MB21D2: variants seen among roughly 807,000 people sequenced by gnomAD.
The protein encoded by MB21D2 is nucleotidyltransferase MB21D2.
Under a neutral mutation model 33.3 loss-of-function variants are expected in MB21D2, and 9 were observed. The ratio of observed to expected loss-of-function variants is 0.27; its 90% CI spans 0.16 to 0.47. The LOEUF is 0.47. MB21D2 is among the 20% of genes least tolerant of loss of function. The pLI is 0.99. For missense variants in MB21D2, 540 were observed against 624.6 expected, an observed-to-expected ratio of 0.86 and a Z score of 1.44; for synonymous variants, 241 against 236.3, an observed-to-expected ratio of 1.02 and a Z score of -0.18.
intron 1 of MB21D2, among the ~76,000 whole-genome samples, chr3:192,894,049 T>C (rs1442050399): frequency 6.6e-6 from 1 of 151,962 alleles, no homozygotes; most frequent in East Asian, 1.9e-4. Context: ...AAAGAAATAA[T>C]TTAAAGAGCC....
chr3:192,845,468 C>G (rs904249629), intron 1 of MB21D2, among the ~76,000 whole-genome samples: 1 of 152,248 alleles, frequency 6.6e-6, no homozygotes, highest in African/African-American at 2.4e-5. Flanking sequence ...ACTTGCTGAG[C>G]ATCCTCATCT....
chr3:192,885,267 A>G (rs1367427253), intron 1 of MB21D2, among the ~76,000 whole-genome samples: 2 of 152,134 alleles, frequency 1.3e-5, no homozygotes, highest in Admixed American at 1.3e-4. Flanking sequence ...TCTTGGCAAG[A>G]TAAATTCTAT....
chr3:192,868,488 T>G (rs1158939632), intron 1 of MB21D2, among the ~76,000 whole-genome samples: 2 of 152,166 alleles, frequency 1.3e-5, no homozygotes, highest in Non-Finnish European at 2.9e-5. Flanking sequence ...AAATTAATAT[T>G]TTGCTTAAGC....
intron 1 of MB21D2, among the ~76,000 whole-genome samples, chr3:192,884,463 T>G (rs1336935520): frequency 6.6e-6 from 1 of 151,624 alleles, no homozygotes. Context: ...GCCTCCCGGG[T>G]TCACTCCATT....
chr3:192,859,355 C>T (rs1488350125), intron 1 of MB21D2, among the ~76,000 whole-genome samples: 5 of 152,140 alleles, frequency 3.3e-5, no homozygotes, highest in African/African-American at 1.2e-4. Flanking sequence ...TGTCAAACCA[C>T]CCCCACCCCC....
chr3:192,833,518 C>G (rs1712365928), intron 1 of MB21D2, among the ~76,000 whole-genome samples: 1 of 152,218 alleles, frequency 6.6e-6, no homozygotes. Flanking sequence ...ACCTAAACTT[C>G]TAAATATTCC....
chr3:192,828,087 G>A (rs771461554), intron 1 of MB21D2, among the ~76,000 whole-genome samples: 1 of 152,032 alleles, frequency 6.6e-6, no homozygotes, highest in Non-Finnish European at 1.5e-5. Flanking sequence ...CCATGTTTGT[G>A]AGGCCTCCCC....
At chr3:192,892,600 C>A (rs1713873688) in intron 1 of MB21D2, among the ~76,000 whole-genome samples, 1 of 152,162 alleles carries the variant, frequency 6.6e-6, no homozygotes, top group Non-Finnish European at 1.5e-5. Context: ...GCCACCACAC[C>A]TGGCTACTTT....
At chr3:192,914,478 T>C (rs973375431) in intron 1 of MB21D2, among the ~76,000 whole-genome samples, 1 of 152,180 alleles carries the variant, frequency 6.6e-6, no homozygotes, top group Non-Finnish European at 1.5e-5. Context: ...GGAATGAAGA[T>C]AACAAAAGAG....
intron 1 of MB21D2, among the ~76,000 whole-genome samples, chr3:192,886,171 G>A (rs1713729255): frequency 6.6e-6 from 1 of 152,074 alleles, no homozygotes; most frequent in South Asian, 2.1e-4. Context: ...TCTCGGTCAG[G>A]CTGGTCTTGA....
intron 1 of MB21D2, among the ~76,000 whole-genome samples, chr3:192,870,145 C>CAGG (rs1176181984): frequency 3.4e-5 from 5 of 147,118 alleles, no homozygotes; most frequent in Admixed American, 3.4e-4. Context: ...AGCACACAAT[C>CAGG]AGGACTGCCC....
At chr3:192,812,988 C>T (rs575696664) in intron 1 of MB21D2, among the ~76,000 whole-genome samples, 1 of 152,254 alleles carries the variant, frequency 6.6e-6, no homozygotes, top group African/African-American at 2.4e-5. Context: ...TGGGCTTGGA[C>T]GTCTTACAAT....
At chr3:192,828,623 TATA>T (rs1712239729) in intron 1 of MB21D2, among the ~76,000 whole-genome samples, 1 of 25,936 alleles carries the variant, frequency 3.9e-5, no homozygotes, top group Non-Finnish European at 6.3e-5. Context: ...TATATATATA[TATA>T]TATATATATA....
chr3:192,872,067 T>G (rs2108638326), intron 1 of MB21D2, among the ~76,000 whole-genome samples: 1 of 152,334 alleles, frequency 6.6e-6, no homozygotes, highest in Admixed American at 6.5e-5. Flanking sequence ...CTCATAAAAC[T>G]GAGGTGTGGA....
At chr3:192,806,389 G>A (rs551427774) in intron 1 of MB21D2, among the ~76,000 whole-genome samples, 1 of 152,098 alleles carries the variant, frequency 6.6e-6, no homozygotes, top group African/African-American at 2.4e-5. Context: ...GTATAAGTGG[G>A]TTTCATATCC....
chr3:192,836,894 C>G lies in MB21D2; in HGVS notation c.212-37244G>C, dbSNP rs75397788. 3.2e-3 allele frequency among the ~76,000 whole-genome samples: 481 copies of G among 152,236 alleles called. 5 individuals carry two copies. The highest frequency in any genetic ancestry group is 0.011 in the African/African-American group (460 of 41,528). On this transcript the variant is annotated intron_variant, in intron 1 of 1. Coordinates refer to ENST00000392452, the MANE Select transcript of MB21D2 (RefSeq NM_178496.4). ...CAGTTACTTAGTGTCAGAAGAGGTA[C>G]TCCAACAGGGCTCATGGGAAGAAAC... is the stretch of plus-strand genomic sequence containing the variant.
chr3:192,809,492 G>C (rs917275604), intron 1 of MB21D2, among the ~76,000 whole-genome samples: 1 of 152,114 alleles, frequency 6.6e-6, no homozygotes, highest in African/African-American at 2.4e-5. Flanking sequence ...AATTCAAGTT[G>C]ATCCTATGCT....
intron 1 of MB21D2, among the ~76,000 whole-genome samples, chr3:192,862,634 G>A (rs139550545): frequency 1.3e-3 from 191 of 152,254 alleles, no homozygotes; most frequent in African/African-American, 4.3e-3. Flanking sequence ...TTAACTGTGA[G>A]TAACAGAGTC....
chr3:192,889,280 A>G (rs1413522288), intron 1 of MB21D2, among the ~76,000 whole-genome samples: 1 of 152,038 alleles, frequency 6.6e-6, no homozygotes, highest in Non-Finnish European at 1.5e-5. Context: ...AGTACTTATA[A>G]CACATAAAAA....
Sources: gnomAD v4.1 joint callset for allele counts (sites outside exome capture counted in the v4.1 genomes callset) on GRCh38, gnomAD v4.1.1 for gene constraint, MANE v1.5 for transcripts, NCBI Gene and HGNC (gene_info 2026-07-23, HGNC 2026-07-21) for gene names.